CADM2: variants seen among roughly 807,000 people sequenced by gnomAD.
CADM2 encodes the protein immunoglobulin superfamily member 4D.
In CADM2, 12 loss-of-function variants were observed where a neutral mutation model predicts 49.8. The ratio of observed to expected loss-of-function variants is 0.24; its 90% CI spans 0.15 to 0.39. The LOEUF is 0.39. CADM2 is among the 10% of genes least tolerant of loss of function. The probability of loss-of-function intolerance (pLI) is 1.00; values close to 1 mark genes in which losing one functional copy is unlikely to be tolerated. For missense variants in CADM2, 378 were observed against 492.3 expected, an observed-to-expected ratio of 0.77 and a Z score of 2.20; for synonymous variants, 214 against 175.4, an observed-to-expected ratio of 1.22 and a Z score of -1.74.
chr3:85,980,927 G>A (rs1166046945), intron 8 of CADM2, among the ~76,000 whole-genome samples: 1 of 151,164 alleles, frequency 6.6e-6, no homozygotes, highest in East Asian at 2.0e-4. Context: ...AATATGTATT[G>A]AATATATGCT....
intron 2 of CADM2, among the ~76,000 whole-genome samples, chr3:85,783,968 C>G (rs1396824699): frequency 1.3e-5 from 2 of 152,132 alleles, no homozygotes; most frequent in Admixed American, 6.6e-5. Flanking sequence ...AACAATGGGA[C>G]TTGAAATTAC....
chr3:85,852,825 T>A (rs1372464045), intron 3 of CADM2, among the ~76,000 whole-genome samples: 1 of 152,082 alleles, frequency 6.6e-6, no homozygotes, highest in African/African-American at 2.4e-5. Context: ...GATTTACTCT[T>A]TCTGGGAAGT....
chr3:84,969,336 T>A (rs1219689924), intron 1 of CADM2, among the ~76,000 whole-genome samples: 2 of 152,168 alleles, frequency 1.3e-5, no homozygotes, highest in Non-Finnish European at 2.9e-5. Context: ...AGCTATAGTT[T>A]TAGTTTTAGT....
chr3:85,986,127 A>G (rs762046697), intron 8 of CADM2, among the ~76,000 whole-genome samples: 3 of 152,036 alleles, frequency 2.0e-5, no homozygotes, highest in South Asian at 2.1e-4. Context: ...TATTCTCTAC[A>G]TCCTTTATAT....
chr3:85,735,103 G>T (rs949915297), intron 2 of CADM2, among the ~76,000 whole-genome samples: 1 of 151,634 alleles, frequency 6.6e-6, no homozygotes, highest in Non-Finnish European at 1.5e-5. Context: ...GGGACTCCTG[G>T]AAATACATCA....
At chr3:85,023,377 GT>G in intron 1 of CADM2, among the ~76,000 whole-genome samples, 1 of 151,766 alleles carries the variant, frequency 6.6e-6, no homozygotes, top group Non-Finnish European at 1.5e-5. Flanking sequence ...CTTTTTATTT[GT>G]GATTTCTCAG....
chr3:85,751,100 TAC>T (rs2068840525), intron 2 of CADM2, among the ~76,000 whole-genome samples: 2 of 152,030 alleles, frequency 1.3e-5, no homozygotes, highest in African/African-American at 4.8e-5. Context: ...GGTCCTAATG[TAC>T]AGTGAGTCAT....
intron 8 of CADM2, among the ~76,000 whole-genome samples, chr3:85,974,738 C>A (rs557221859): frequency 5.9e-5 from 9 of 151,632 alleles, no homozygotes; most frequent in South Asian, 2.1e-4. Context: ...GGCAACCCAG[C>A]GTTCACTCAC....
At chr3:85,911,479 A>G (rs1006123184) in intron 5 of CADM2, among the ~76,000 whole-genome samples, 3 of 152,240 alleles carry the variant, frequency 2.0e-5, no homozygotes, top group Non-Finnish European at 4.4e-5. Flanking sequence ...CCAAGTGAAG[A>G]GCATTCATCT....
At position 85,717,654 on chromosome 3, in the gene CADM2, T is replaced by C. The variant is rs558579787; in HGVS notation, c.62-8868T>C. On this transcript the variant is annotated intron_variant, in intron 1 of 9. Transcript: ENST00000383699. ...ATAAATAGTTCTTATTACTTTGAGATACATTCCTTCAATACCTAGTTTATT... is the reference window on the plus strand; with the variant it reads ...ATAAATAGTTCTTATTACTTTGAGACACATTCCTTCAATACCTAGTTTATT... 2.6e-5 allele frequency among the ~76,000 whole-genome samples: 4 copies of C among 152,344 alleles called. No homozygotes were observed. The East Asian group carries it at 7.7e-4, about 29-fold the overall frequency.
At chr3:85,683,245 A>T (rs2066091507) in intron 1 of CADM2, among the ~76,000 whole-genome samples, 1 of 152,006 alleles carries the variant, frequency 6.6e-6, no homozygotes, top group Non-Finnish European at 1.5e-5. Context: ...GGAGGAGGAG[A>T]AATAGATTTA....
intron 1 of CADM2, among the ~76,000 whole-genome samples, chr3:85,568,457 T>C (rs373358099): frequency 0.011 from 397 of 35,950 alleles, 32 homozygotes; most frequent in African/African-American, 0.034. Context: ...CTTTCTTTCT[T>C]TCTTTCTCTT....
At chr3:85,652,202 G>A (rs151139865) in intron 1 of CADM2, among the ~76,000 whole-genome samples, 6 of 152,024 alleles carry the variant, frequency 3.9e-5, no homozygotes, top group African/African-American at 1.2e-4. Context: ...GAGAGGCAGT[G>A]GATGCTTCCT....
chr3:85,854,015 G>T (rs1226656756), intron 3 of CADM2, among the ~76,000 whole-genome samples: 2 of 152,148 alleles, frequency 1.3e-5, no homozygotes, highest in Non-Finnish European at 2.9e-5. Context: ...GCTTAGTAAA[G>T]GAGACAGATG....
In CADM2 at chr3:86,058,040, A is replaced by G. The variant is rs1738200765; in HGVS notation, c.971-7565A>G. On this transcript the variant is annotated intron_variant, in intron 8 of 9. Coordinates refer to ENST00000383699, the MANE Select transcript of CADM2 (RefSeq NM_001167675.2). ...ATTTTTCTGAGTACGTACTTTACAT[A>G]CATTGAAAAAAATTGCAATATATTA... is the stretch of plus-strand genomic sequence containing the variant. Among the ~76,000 whole-genome samples the G allele has an allele frequency of 2.6e-5, 4 of 152,200 alleles. No homozygotes were observed. In the South Asian group the frequency reaches 8.3e-4, roughly 31 times the overall value.
intron 8 of CADM2, among the ~76,000 whole-genome samples, chr3:85,985,585 T>C (rs1256166377): frequency 2.6e-5 from 4 of 152,098 alleles, no homozygotes. Flanking sequence ...CTAGAAATTA[T>C]AGACCCATAA....
At chr3:85,762,461 A>G (rs1419578531) in intron 2 of CADM2, among the ~76,000 whole-genome samples, 1 of 151,738 alleles carries the variant, frequency 6.6e-6, no homozygotes, top group Non-Finnish European at 1.5e-5. Flanking sequence ...AAGTCCTCCC[A>G]TTCTTAATGT....
intron 1 of CADM2, among the ~76,000 whole-genome samples, chr3:84,961,384 C>T (rs2030495372): frequency 6.6e-6 from 1 of 152,114 alleles, no homozygotes; most frequent in South Asian, 2.1e-4. Flanking sequence ...GTGTATTTTA[C>T]GTTGGGTGTA....
intron 2 of CADM2, among the ~76,000 whole-genome samples, chr3:85,752,658 C>A (rs1440400553): frequency 6.6e-6 from 1 of 152,092 alleles, no homozygotes; most frequent in Non-Finnish European, 1.5e-5. Context: ...CCTCCTGTCT[C>A]ATTGTCTAGT....
Sources: allele counts gnomAD v4.1 joint callset (sites outside exome capture counted in the v4.1 genomes callset), GRCh38; gene constraint gnomAD v4.1.1; transcripts MANE v1.5; gene names NCBI Gene and HGNC (gene_info 2026-07-23, HGNC 2026-07-21).